AGBL1: variants seen among roughly 807,000 people sequenced by gnomAD.
AGBL1 encodes the protein AGBL carboxypeptidase 1, also known as cytosolic carboxypeptidase 4.
Under a neutral mutation model 118.9 loss-of-function variants are expected in AGBL1, and 130 were observed. The ratio of observed to expected loss-of-function variants is 1.09; its 90% CI spans 0.95 to 1.26. The LOEUF is 1.26. AGBL1 is among the 50% of genes most tolerant of loss of function. AGBL1 has a pLI of 0.00. For missense variants in AGBL1, 1,584 were observed against 1,298.1 expected, an observed-to-expected ratio of 1.22 and a Z score of -3.38; for synonymous variants, 555 against 478.9, an observed-to-expected ratio of 1.16 and a Z score of -2.08.
rs1312417559 is a variant in AGBL1, at chr15:86,554,391, C to A, written c.2848C>A (p.Pro950Thr). The change falls in exon 21 of 23, where the codon CCA (proline) becomes ACA (threonine). Residue 950 changes from proline (P) to threonine (T), a missense_variant. Pro to Thr is a conservative substitution (Grantham distance 38). Coordinates refer to ENST00000614907, the MANE Select transcript of AGBL1 (RefSeq NM_001386094.1). The part of the protein sequence containing the change: ...TLPKILDKLA[P>T]AFTMSSCSFL... ...TCCCAAAATCCTTGATAAGCTAGCACCAGCATTCACAATGAGCAGCTGCAG... is the reference window on the plus strand; with the variant it reads ...TCCCAAAATCCTTGATAAGCTAGCAACAGCATTCACAATGAGCAGCTGCAG... 6.3e-6 allele frequency: 10 copies of A among 1,585,944 alleles called. No individual in the cohort carries two copies. Among genetic ancestry groups the A allele is most frequent in the Non-Finnish European group, 8.6e-6 (10 of 1,166,056 alleles).
Position 86,319,743 on chromosome 15 carries a change from G to GTTTTTTTTTTTTTT in AGBL1, c.2374+24358_2374+24371dup, listed in dbSNP as rs139831044. 7.6e-4 allele frequency among the ~76,000 whole-genome samples: 36 copies of GTTTTTTTTTTTTTT among 47,254 alleles called. 8 individuals carry two copies. The highest frequency in any genetic ancestry group is 1.0e-3 in the Non-Finnish European group (28 of 27,908). The allele number at this position is 47,254 out of a possible 152,430, so 31.0% of individuals were successfully genotyped here. ...TGTACTTTGTTTTGCCTCTTTGGTA[G>GTTTTTTTTTTTTTT]TTTTTTTTTTTTTTTTTTTTTTTTT... is the stretch of plus-strand genomic sequence containing the variant. On this transcript the variant is annotated intron_variant, in intron 17 of 22. Transcript: ENST00000614907.
At chr15:86,598,172 T>C (rs2084438573) in intron 21 of AGBL1, among the ~76,000 whole-genome samples, 1 of 152,128 alleles carries the variant, frequency 6.6e-6, no homozygotes, top group Non-Finnish European at 1.5e-5. Context: ...ATTGTCACCA[T>C]AGTCAACTGT....
intron 22 of AGBL1, among the ~76,000 whole-genome samples, chr15:86,684,446 A>G (rs2086016974): frequency 6.8e-6 from 1 of 147,436 alleles, no homozygotes; most frequent in South Asian, 2.2e-4. Flanking sequence ...TTTAGTTAGT[A>G]CCTAGCATAG....
chr15:86,258,054 C>T (rs764789862), intron 9 of AGBL1, 23 bp downstream of exon 9: 4 of 1,607,170 alleles, frequency 2.5e-6, no homozygotes, highest in East Asian at 4.5e-5. Context: ...GCCCATGCTT[C>T]TAATGATGTC....
At chr15:86,713,189 G>A (rs1016344962) in intron 22 of AGBL1, among the ~76,000 whole-genome samples, 1 of 152,106 alleles carries the variant, frequency 6.6e-6, no homozygotes, top group Non-Finnish European at 1.5e-5. Flanking sequence ...GGGAGGCTAA[G>A]TATAGCTACA....
rs145377609 is a variant in AGBL1, at chr15:86,485,336, G to A, written c.2556-37474G>A. Among the ~76,000 whole-genome samples, 3 of 152,212 alleles carry A rather than the reference G, an allele frequency of 2.0e-5. No homozygotes were observed. In the East Asian group the frequency reaches 5.8e-4, roughly 29 times the overall value. ...TCTGAATAAAGAAAAGACTTTAAGA[G>A]CCAATACCAGCAGAGTTCCACCCAT... On this transcript the variant is annotated intron_variant, in intron 18 of 22. Coordinates refer to ENST00000614907, the MANE Select transcript of AGBL1 (RefSeq NM_001386094.1).
chr15:86,178,913 C>T (rs569619201), intron 5 of AGBL1, among the ~76,000 whole-genome samples: 29 of 152,194 alleles, frequency 1.9e-4, no homozygotes, highest in Non-Finnish European at 3.4e-4. Context: ...CCCTGACTGA[C>T]GAGGGGCTCC....
At position 86,161,348 on chromosome 15, in the gene AGBL1, T is replaced by C. The variant is rs556743341; in HGVS notation, c.488+2322T>C. Among the ~76,000 whole-genome samples the C allele has an allele frequency of 1.6e-3, 240 of 152,308 alleles. 3 individuals carry two copies. In the South Asian group the frequency reaches 0.046, roughly 29 times the overall value. ...TGCTAAGCTCTTAGCATGCATTACTTCCTTTGAGCCTCTCATCTGCTCTGC... is the reference window on the plus strand; with the variant it reads ...TGCTAAGCTCTTAGCATGCATTACTCCCTTTGAGCCTCTCATCTGCTCTGC... On this transcript the variant is annotated intron_variant, in intron 5 of 22. Coordinates refer to ENST00000614907, the MANE Select transcript of AGBL1 (RefSeq NM_001386094.1).
chr15:86,609,176 C>T (rs968515459), intron 21 of AGBL1, among the ~76,000 whole-genome samples: 3 of 152,104 alleles, frequency 2.0e-5, no homozygotes, highest in Middle Eastern at 3.2e-3. Context: ...GGTGTTACTG[C>T]CTGTATATGG....
intron 5 of AGBL1, among the ~76,000 whole-genome samples, chr15:86,182,978 T>C (rs990564478): frequency 6.6e-5 from 10 of 152,204 alleles, no homozygotes; most frequent in African/African-American, 2.4e-4. Context: ...TTATGGCTAA[T>C]TCTCATGTGT....
At chr15:86,145,550 C>A (rs1221273216) in intron 3 of AGBL1, among the ~76,000 whole-genome samples, 3 of 152,180 alleles carry the variant, frequency 2.0e-5, no homozygotes, top group Non-Finnish European at 4.4e-5. Flanking sequence ...CTATCAGTGG[C>A]AGCCAAATGC....
At chr15:86,363,726 TCC>T (rs2080839493) in intron 17 of AGBL1, among the ~76,000 whole-genome samples, 1 of 152,180 alleles carries the variant, frequency 6.6e-6, no homozygotes, top group African/African-American at 2.4e-5. Context: ...CTGACTTGTC[TCC>T]CAAATCCCTG....
chr15:87,020,759 A>C (rs1168047547), intron 24 of AGBL1, among the ~76,000 whole-genome samples: 1 of 152,024 alleles, frequency 6.6e-6, no homozygotes, highest in African/African-American at 2.4e-5. Flanking sequence ...TTGCTACAAA[A>C]AGGATAAAAT....
intron 17 of AGBL1, among the ~76,000 whole-genome samples, chr15:86,338,535 C>T (rs943673179): frequency 5.9e-5 from 9 of 151,984 alleles, no homozygotes; most frequent in Non-Finnish European, 8.8e-5. Context: ...ATAAAGTGAC[C>T]CCCGAAGAAT....
chr15:86,399,337 T>A (rs1240353556), intron 18 of AGBL1, among the ~76,000 whole-genome samples: 1 of 152,170 alleles, frequency 6.6e-6, no homozygotes. Flanking sequence ...TCAGCCTAAA[T>A]GGATGGAAAA....
At chr15:86,325,041 G>C (rs1052621303) in intron 17 of AGBL1, among the ~76,000 whole-genome samples, 2 of 152,142 alleles carry the variant, frequency 1.3e-5, no homozygotes, top group Non-Finnish European at 2.9e-5. Flanking sequence ...TTATAGACCA[G>C]GCTAAGGAGG....
rs60238690 is a variant in AGBL1, at chr15:86,602,310, G to T, written c.2994+47773G>T. ...TCTGAGGATTAGATTTGATTATTAC[G>T]TGAAGTGCTCAGCACAACTTCTAGT... On this transcript the variant is annotated intron_variant, in intron 21 of 22. Coordinates refer to ENST00000614907, the MANE Select transcript of AGBL1 (RefSeq NM_001386094.1). 3.2e-3 allele frequency among the ~76,000 whole-genome samples: 487 copies of T among 152,180 alleles called. 21 individuals carry two copies. In the East Asian group the frequency reaches 0.082, roughly 26 times the overall value.
chr15:86,359,316 T>C (rs2080766682), intron 17 of AGBL1, among the ~76,000 whole-genome samples: 1 of 151,790 alleles, frequency 6.6e-6, no homozygotes, highest in Admixed American at 6.6e-5. Flanking sequence ...TTTTTTGAAA[T>C]TCAGTTGACT....
intron 17 of AGBL1, among the ~76,000 whole-genome samples, chr15:86,392,795 C>T (rs58869150): frequency 1.3e-5 from 2 of 152,084 alleles, no homozygotes; most frequent in Non-Finnish European, 2.9e-5. Flanking sequence ...CCATGACTCC[C>T]CCGTAGACTA....
Sources: allele counts gnomAD v4.1 joint callset (sites outside exome capture counted in the v4.1 genomes callset), GRCh38; gene constraint gnomAD v4.1.1; transcripts MANE v1.5; gene names NCBI Gene and HGNC (gene_info 2026-07-23, HGNC 2026-07-21).